The following SOX13 variants were observed in gnomAD, a reference collection of about 807,000 sequenced individuals.
SOX13 encodes transcription factor SOX-13.
Under a neutral mutation model 71.8 loss-of-function variants are expected in SOX13, and 28 were observed. The ratio of observed to expected loss-of-function variants is 0.39; its 90% CI spans 0.29 to 0.53. The LOEUF is 0.53. SOX13 is among the 20% of genes least tolerant of loss of function. The pLI, the probability that SOX13 is intolerant of heterozygous loss-of-function variation, is 0.70. For synonymous variants in SOX13, 309 were observed against 317.8 expected (o/e 0.97, Z 0.29); for missense variants, 627 against 810.3 (o/e 0.77, Z 2.75).
chr1:204,112,798 G>A (rs1217690498), intron 1 of SOX13, 117 bp from the exon 2 acceptor site: 3 of 720,456 alleles, frequency 4.2e-6, no homozygotes, highest in Non-Finnish European at 6.9e-6. Flanking sequence ...GTGTGCCCAT[G>A]TGACAGGCAC....
At chr1:204,091,006 A>G (rs1656130881) in intron 1 of SOX13, among the ~76,000 whole-genome samples, 1 of 152,186 alleles carries the variant, frequency 6.6e-6, no homozygotes, top group Non-Finnish European at 1.5e-5. Context: ...TTTGTTGACA[A>G]TGGGGAACCA....
rs780108594 is a variant in SOX13 at position 204,113,004 on chromosome 1, A to T, written c.89A>T (p.Lys30Ile). The change falls in exon 2 of 14, where the codon AAA becomes ATA. Residue 30 changes from lysine (K) to isoleucine (I), a missense_variant. Physicochemically the swap from Lys to Ile is moderately radical, Grantham distance 102. Coordinates refer to ENST00000367204, the MANE Select transcript of SOX13 (RefSeq NM_005686.3). ...VNCTIKSEEK[K>I]EPCHEAPQGS... ...TGCACCATCAAGTCAGAGGAGAAGA[A>T]AGAGCCTTGCCACGAGGCCCCCCAG... is the stretch of plus-strand genomic sequence containing the variant. 1 of 1,613,432 alleles carries T rather than the reference A, an allele frequency of 6.2e-7. No individual in the cohort carries two copies. The highest frequency in any genetic ancestry group is 8.5e-7 in the Non-Finnish European group (1 of 1,179,854).
At chr1:204,117,863 A>G in intron 7 of SOX13, 156 bp downstream of exon 7, 1 of 605,458 alleles carries the variant, frequency 1.7e-6, no homozygotes, top group South Asian at 2.1e-5. Flanking sequence ...CTTTTTCTGA[A>G]TCTTGCTGAA....
At chr1:204,098,803 T>A (rs1353197101) in intron 1 of SOX13, among the ~76,000 whole-genome samples, 1 of 152,164 alleles carries the variant, frequency 6.6e-6, no homozygotes, top group Non-Finnish European at 1.5e-5. Flanking sequence ...AGAAGCCTCA[T>A]TCATGGGGAA....
chr1:204,102,070 A>C (rs58631041), intron 1 of SOX13, among the ~76,000 whole-genome samples: 2,478 of 152,232 alleles, frequency 0.016, 65 homozygotes, highest in African/African-American at 0.055. Flanking sequence ...CTGGGTTTGA[A>C]CCAATGCTGC....
At chr1:204,117,784 C>A in intron 7 of SOX13, 77 bp downstream of exon 7, 1 of 904,950 alleles carries the variant, frequency 1.1e-6, no homozygotes, top group Non-Finnish European at 1.8e-6. Context: ...GAGCCACTCT[C>A]ATCCATTAAT....
intron 6 of SOX13, 49 bp from the exon 7 acceptor site, chr1:204,117,544 G>A (rs776952813): frequency 1.5e-5 from 18 of 1,211,538 alleles, no homozygotes; most frequent in East Asian, 7.4e-5. Context: ...CCATAGCTGG[G>A]TAGCTCTTTG....
At chr1:204,080,889 T>C (rs1415279059) in intron 1 of SOX13, among the ~76,000 whole-genome samples, 1 of 149,744 alleles carries the variant, frequency 6.7e-6, no homozygotes, top group Non-Finnish European at 1.5e-5. Context: ...CTGGGGGTGG[T>C]CAATATCCTT....
chr1:204,082,069 G>T (rs1263971183), intron 1 of SOX13, among the ~76,000 whole-genome samples: 1 of 151,704 alleles, frequency 6.6e-6, no homozygotes, highest in Non-Finnish European at 1.5e-5. Flanking sequence ...GGCTGGTGGT[G>T]GGGTGTGTGT....
intron 1 of SOX13, among the ~76,000 whole-genome samples, chr1:204,102,291 C>G (rs1656375834): frequency 6.6e-6 from 1 of 152,244 alleles, no homozygotes; most frequent in Admixed American, 6.5e-5. Context: ...GTAGTCATCC[C>G]TATGGTCCCC....
chr1:204,101,650 CTAAG>C (rs1656363807), intron 1 of SOX13, among the ~76,000 whole-genome samples: 1 of 152,026 alleles, frequency 6.6e-6, no homozygotes, highest in Non-Finnish European at 1.5e-5. Flanking sequence ...AGGCATTGGG[CTAAG>C]TATTTTCTAT....
At chr1:204,082,358 A>G (rs1655927174) in intron 1 of SOX13, among the ~76,000 whole-genome samples, 1 of 151,940 alleles carries the variant, frequency 6.6e-6, no homozygotes, top group African/African-American at 2.4e-5. Context: ...AACTCCAGGG[A>G]GACAGTGAGG....
chr1:204,121,801 C>G (rs567375123), intron 7 of SOX13, 99 bp from the exon 8 acceptor site: 3 of 840,156 alleles, frequency 3.6e-6, no homozygotes, highest in Non-Finnish European at 6.0e-6. Context: ...GGTCCAGTGC[C>G]GAGCCATTGC....
chr1:204,085,304 TGCCACAG>T (rs1655993442), intron 1 of SOX13, among the ~76,000 whole-genome samples: 1 of 152,178 alleles, frequency 6.6e-6, no homozygotes, highest in Non-Finnish European at 1.5e-5. Flanking sequence ...CAATTGTACC[TGCCACAG>T]GCTCATGGGG....
chr1:204,121,764 G>A (rs1656809717), intron 7 of SOX13, 136 bp from the exon 8 acceptor site: 4 of 710,496 alleles, frequency 5.6e-6, no homozygotes, highest in Non-Finnish European at 7.7e-6. Flanking sequence ...CTTTGGGGCT[G>A]GGGAGGGCAG....
At position 204,073,341 on chromosome 1, in the gene SOX13, C is replaced by A. The variant is rs1655708206; in HGVS notation, c.-372C>A. 6.5e-6 allele frequency: 1 copy of A among 152,726 alleles called. No individual in the cohort carries two copies. Among genetic ancestry groups the A allele is most frequent in the Admixed American group, 6.5e-5 (1 of 15,294 alleles). The allele number at this position is 152,726 out of a possible 1,614,324, so 9.5% of individuals were successfully genotyped here. A position where few individuals can be genotyped will look rare whatever the true frequency, so the allele number is the denominator to read the frequency against. On this transcript the variant is annotated 5_prime_UTR_variant, in exon 1 of 14. Coordinates refer to ENST00000367204, the MANE Select transcript of SOX13 (RefSeq NM_005686.3). The surrounding 1 kb of genome is among the most constrained non-coding windows in gnomAD (Gnocchi z 6.8). The stretch of plus-strand genomic sequence containing the variant: ...GAGCAGGGAGGGCGGGCCGGCTGCG[C>A]GTCCGACGAGTCGCAGAGCAGGACC...
At chr1:204,085,841 G>A (rs895682063) in intron 1 of SOX13, among the ~76,000 whole-genome samples, 6 of 151,894 alleles carry the variant, frequency 4.0e-5, no homozygotes, top group South Asian at 2.1e-4. Context: ...TTAGCTGGGC[G>A]TGGTGCCGGG....
At position 204,124,868 on chromosome 1, in the gene SOX13, C is replaced by A. The variant is rs931848684; in HGVS notation, c.1592+11C>A. On this transcript the variant is annotated intron_variant, in intron 13 of 13. Coordinates refer to ENST00000367204, the MANE Select transcript of SOX13 (RefSeq NM_005686.3). ...GAGCTACGTGATCCCGTGAGCAGGC[C>A]CCCCCGCAGGCAGCCAGGAGACTGT... 8 of 1,548,326 alleles carry A rather than the reference C, an allele frequency of 5.2e-6. No individual in the cohort carries two copies. In the Admixed American group the frequency reaches 5.8e-5, roughly 11 times the overall value.
At chr1:204,125,027 G>A (rs987350250) in intron 13 of SOX13, among the ~76,000 whole-genome samples, 170 bp downstream of exon 13, 3 of 152,148 alleles carry the variant, frequency 2.0e-5, no homozygotes, top group South Asian at 2.1e-4. Context: ...CGTGCGACCC[G>A]ACTGTGTATG....
Sources: allele counts gnomAD v4.1 joint callset (sites outside exome capture counted in the v4.1 genomes callset), GRCh38; gene constraint gnomAD v4.1.1; non-coding constraint Gnocchi (gnomAD v3.1); transcripts MANE v1.5; gene names NCBI Gene and HGNC (gene_info 2026-07-23, HGNC 2026-07-21).